Variants in ADARB1 observed in about 807,000 individuals in gnomAD.
ADARB1 encodes double-stranded RNA-specific editase 1.
Under a neutral mutation model 52.4 loss-of-function variants are expected in ADARB1, and 10 were observed. The observed-to-expected ratio is 0.19, with a 90% CI of 0.12 to 0.32. The LOEUF is 0.32. ADARB1 is among the 10% of genes least tolerant of loss of function. ADARB1 has a pLI of 1.00. For synonymous variants in ADARB1, 349 were observed against 371.1 expected, an observed-to-expected ratio of 0.94 and a Z score of 0.68; for missense variants, 643 against 922.3, an observed-to-expected ratio of 0.70 and a Z score of 3.92.
intron 1 of ADARB1, among the ~76,000 whole-genome samples, chr21:45,078,613 C>T (rs977275027): frequency 6.6e-6 from 1 of 152,154 alleles, no homozygotes; most frequent in Non-Finnish European, 1.5e-5. Context: ...ATGGTGGTCA[C>T]CTCAGGGAGG....
At chr21:45,156,908 T>C (rs1271854121) in intron 2 of ADARB1, among the ~76,000 whole-genome samples, 3 of 152,136 alleles carry the variant, frequency 2.0e-5, no homozygotes, top group African/African-American at 7.2e-5. Flanking sequence ...CTGCACTGTA[T>C]GTGTAGTAGT....
chr21:45,225,279 C>T lies in ADARB1; in HGVS notation c.*3082C>T, dbSNP rs1030702968. 9.5e-6 allele frequency: 11 copies of T among 1,162,332 alleles called. No homozygotes were observed. Among genetic ancestry groups the T allele is most frequent in the African/African-American group, 4.8e-5 (3 of 62,860 alleles). The allele number at this position is 1,162,332 out of a possible 1,614,324, so 72.0% of individuals were successfully genotyped here. ...CCTTCCTCAGCTCTCATCACCTGGT[C>T]GTACGCCAGGCCCACCTCTTCCCAG... On this transcript the variant is annotated 3_prime_UTR_variant, in exon 11 of 11. Transcript: ENST00000348831.
chr21:45,211,411 T>A (rs1290914766), intron 9 of ADARB1, among the ~76,000 whole-genome samples: 2 of 152,218 alleles, frequency 1.3e-5, no homozygotes, highest in Admixed American at 6.5e-5. Flanking sequence ...TCTTTCTTAT[T>A]TGCAGAATAA....
intron 2 of ADARB1, among the ~76,000 whole-genome samples, chr21:45,140,098 C>A (rs1569058765): frequency 6.6e-6 from 1 of 152,146 alleles, no homozygotes; most frequent in East Asian, 1.9e-4. Context: ...CGCCCGCCAC[C>A]ATGCCCGGCT....
intron 9 of ADARB1, among the ~76,000 whole-genome samples, chr21:45,210,071 G>A (rs1159538413): frequency 2.6e-5 from 4 of 152,202 alleles, no homozygotes; most frequent in African/African-American, 4.8e-5. Flanking sequence ...GCCGCCACAC[G>A]GCTCCGTCTC....
chr21:45,143,490 C>T (rs552740898), intron 2 of ADARB1, among the ~76,000 whole-genome samples: 11 of 152,204 alleles, frequency 7.2e-5, no homozygotes, highest in African/African-American at 2.4e-4. Context: ...TGCCCCTGTC[C>T]CCTACTCTGG....
chr21:45,174,595 C>A (rs1027171806), intron 3 of ADARB1, among the ~76,000 whole-genome samples: 1 of 151,824 alleles, frequency 6.6e-6, no homozygotes, highest in Non-Finnish European at 1.5e-5. Flanking sequence ...CCCAGCTACT[C>A]GGGAGGCTGA....
At chr21:45,102,562 G>A (rs769825036) in intron 1 of ADARB1, among the ~76,000 whole-genome samples, 6 of 152,142 alleles carry the variant, frequency 3.9e-5, no homozygotes, top group Non-Finnish European at 7.3e-5. Context: ...AGGAAATGCC[G>A]AGAAACAAAC....
In ADARB1 at chr21:45,225,840, C is replaced by G. The variant is rs1231408939; in HGVS notation, c.*3643C>G. 3 of 351,710 alleles carry G rather than the reference C, an allele frequency of 8.5e-6. No individual in the cohort carries two copies. The East Asian group carries it at 1.3e-4, about 15-fold the overall frequency. 21.8% of individuals were successfully genotyped at this position (351,710 alleles called of 1,614,324 possible). A position where few individuals can be genotyped will look rare whatever the true frequency, so the allele number is the denominator to read the frequency against. ...GTGTAAGTGGAAAGGGCATTGTGTT[C>G]CGTGTGTGTCCAGTTTACAGCGTCT... On this transcript the variant is annotated 3_prime_UTR_variant, in exon 11 of 11. Coordinates refer to ENST00000348831, the MANE Select transcript of ADARB1 (RefSeq NM_001112.4).
chr21:45,097,357 T>C (rs1293476415), intron 1 of ADARB1, among the ~76,000 whole-genome samples: 1 of 152,138 alleles, frequency 6.6e-6, no homozygotes, highest in Non-Finnish European at 1.5e-5. Context: ...CACTCCCAAT[T>C]TGAAAACTAG....
chr21:45,115,340 G>A (rs890326633), intron 1 of ADARB1, among the ~76,000 whole-genome samples: 1 of 152,182 alleles, frequency 6.6e-6, no homozygotes, highest in African/African-American at 2.4e-5. Flanking sequence ...CAGAGTGAGT[G>A]AATGCTGGGC....
chr21:45,105,134 A>G (rs2087192376), intron 1 of ADARB1, among the ~76,000 whole-genome samples: 1 of 151,784 alleles, frequency 6.6e-6, no homozygotes, highest in Non-Finnish European at 1.5e-5. Context: ...GGAGTCTGGC[A>G]CTGTCACCCA....
intron 2 of ADARB1, among the ~76,000 whole-genome samples, chr21:45,167,415 T>TA (rs1284905079): frequency 6.6e-6 from 1 of 152,244 alleles, no homozygotes; most frequent in African/African-American, 2.4e-5. Flanking sequence ...GTATAAGAAT[T>TA]AAATTAGCCA....
At chr21:45,127,176 T>G (rs1022730313) in intron 1 of ADARB1, among the ~76,000 whole-genome samples, 2 of 152,160 alleles carry the variant, frequency 1.3e-5, no homozygotes, top group African/African-American at 4.8e-5. Flanking sequence ...GGATTCGGAC[T>G]GAGTGGAGGC....
At chr21:45,162,306 G>A (rs1601692512) in intron 2 of ADARB1, among the ~76,000 whole-genome samples, 2 of 152,288 alleles carry the variant, frequency 1.3e-5, no homozygotes, top group East Asian at 3.9e-4. Flanking sequence ...CTTGCAGGGA[G>A]CCAGTGTCCA....
intron 9 of ADARB1, among the ~76,000 whole-genome samples, chr21:45,219,808 C>T (rs1384927692): frequency 1.3e-5 from 2 of 152,144 alleles, no homozygotes; most frequent in African/African-American, 4.8e-5. Flanking sequence ...CAGGGGGTTT[C>T]TGCTAAAGCT....
intron 1 of ADARB1, among the ~76,000 whole-genome samples, chr21:45,078,130 G>A (rs373455020): frequency 2.0e-5 from 3 of 152,138 alleles, no homozygotes; most frequent in Non-Finnish European, 2.9e-5. Flanking sequence ...TGTCCTAGGC[G>A]TACACAAAGA....
intron 1 of ADARB1, among the ~76,000 whole-genome samples, chr21:45,083,060 C>T (rs887144770): frequency 1.3e-5 from 2 of 152,202 alleles, no homozygotes; most frequent in Non-Finnish European, 2.9e-5. Context: ...TTTCTGCCAT[C>T]TGTACCCACC....
rs75801995 is a variant in ADARB1 at position 45,207,403 on chromosome 21, G to A, written c.1747+2667G>A. Among the ~76,000 whole-genome samples the A allele has an allele frequency of 5.3e-4, 80 of 152,322 alleles. 1 individual carries two copies. In the East Asian group the frequency reaches 0.014, roughly 26 times the overall value. ...CAGGACATTAGGTGAGCCACAGGGT[G>A]GAGCAGGATGGGAGGGCAGAGGCTT... is the stretch of plus-strand genomic sequence containing the variant. On this transcript the variant is annotated intron_variant, in intron 9 of 10. Transcript: ENST00000348831.
Sources: gnomAD v4.1 joint callset for allele counts (sites outside exome capture counted in the v4.1 genomes callset) on GRCh38, gnomAD v4.1.1 for gene constraint, MANE v1.5 for transcripts, NCBI Gene and HGNC (gene_info 2026-07-23, HGNC 2026-07-21) for gene names.